The following CALN1 variants were observed in gnomAD, a reference collection of about 807,000 sequenced individuals.
The protein encoded by CALN1 is calneuron 1.
In CALN1, 17 loss-of-function variants were observed where a neutral mutation model predicts 30.6. The ratio of observed to expected loss-of-function variants is 0.56; its 90% CI spans 0.38 to 0.83. CALN1 has a LOEUF of 0.83. Ranked by LOEUF, CALN1 falls within the 40% of genes least tolerant of loss-of-function variation. CALN1 has a pLI of 0.00. For missense variants in CALN1, 291 were observed against 354.9 expected, an observed-to-expected ratio of 0.82 and a Z score of 1.45; for synonymous variants, 156 against 131.4, an observed-to-expected ratio of 1.19 and a Z score of -1.28.
intron 1 of CALN1, among the ~76,000 whole-genome samples, chr7:72,433,319 C>T (rs1808036928): frequency 6.6e-6 from 1 of 152,172 alleles, no homozygotes; most frequent in African/African-American, 2.4e-5. Flanking sequence ...GAGCAGTCTC[C>T]TCCCAACTCT....
chr7:71,902,650 G>A (rs1297851035), intron 5 of CALN1, among the ~76,000 whole-genome samples: 1 of 152,046 alleles, frequency 6.6e-6, no homozygotes, highest in Non-Finnish European at 1.5e-5. Flanking sequence ...TCTACCCGAA[G>A]GAAAATAAAT....
chr7:72,305,541 G>C (rs1490380724), intron 2 of CALN1, among the ~76,000 whole-genome samples: 1 of 152,172 alleles, frequency 6.6e-6, no homozygotes, highest in Non-Finnish European at 1.5e-5. Flanking sequence ...GAGAGCCTTA[G>C]ATAGCTTTCT....
At chr7:72,318,406 G>C (rs1423571677) in intron 2 of CALN1, among the ~76,000 whole-genome samples, 1 of 152,170 alleles carries the variant, frequency 6.6e-6, no homozygotes, top group Non-Finnish European at 1.5e-5. Flanking sequence ...AGGGACAGAA[G>C]ATCAGGATTC....
At chr7:72,401,294 G>A (rs1806324717) in intron 2 of CALN1, among the ~76,000 whole-genome samples, 1 of 150,874 alleles carries the variant, frequency 6.6e-6, no homozygotes, top group African/African-American at 2.5e-5. Context: ...CTGATGGGCT[G>A]TGTTCTCACT....
At chr7:72,484,868 C>T in the CALN1 span, among the ~76,000 whole-genome samples, 4 of 152,094 alleles carry the variant, frequency 2.6e-5, no homozygotes, top group African/African-American at 7.2e-5. Context: ...TGATATCCAG[C>T]GTTTTGCAAC....
At chr7:72,188,566 G>C (rs563021935) in intron 3 of CALN1, among the ~76,000 whole-genome samples, 1 of 151,984 alleles carries the variant, frequency 6.6e-6, no homozygotes, top group East Asian at 1.9e-4. Flanking sequence ...GGTGGGAGGG[G>C]GGTGAGGAAT....
intron 3 of CALN1, among the ~76,000 whole-genome samples, chr7:72,179,891 T>C (rs947667200): frequency 3.3e-5 from 5 of 152,230 alleles, no homozygotes; most frequent in African/African-American, 7.2e-5. Context: ...ACTGTTTGCT[T>C]ATTAACAAAA....
chr7:71,835,906 G>A (rs1243570969), intron 5 of CALN1, among the ~76,000 whole-genome samples: 1 of 152,190 alleles, frequency 6.6e-6, no homozygotes, highest in Admixed American at 6.5e-5. Flanking sequence ...TTGGAATATT[G>A]CAAAGCAAAT....
At chr7:72,457,994 C>T in the CALN1 span, among the ~76,000 whole-genome samples, 4 of 150,468 alleles carry the variant, frequency 2.7e-5, no homozygotes, top group Admixed American at 2.7e-4. Flanking sequence ...GGGCTCAAGC[C>T]ATCTTCCCCA....
chr7:71,807,911 T>C (rs185413116), intron 6 of CALN1, among the ~76,000 whole-genome samples: 2 of 152,164 alleles, frequency 1.3e-5, no homozygotes, highest in Non-Finnish European at 2.9e-5. Flanking sequence ...CCGTCTCTAC[T>C]AAAAATATGA....
At chr7:72,202,718 T>G (rs1791529724) in intron 3 of CALN1, among the ~76,000 whole-genome samples, 1 of 152,204 alleles carries the variant, frequency 6.6e-6, no homozygotes, top group South Asian at 2.1e-4. Context: ...TTGGCTGTTT[T>G]TGCTTTGAGA....
At chr7:72,091,549 T>A (rs771842045) in intron 4 of CALN1, among the ~76,000 whole-genome samples, 12 of 152,044 alleles carry the variant, frequency 7.9e-5, no homozygotes, top group Admixed American at 2.0e-4. Context: ...AAATAAAAAT[T>A]AAAAACTAGA....
At chr7:72,184,390 A>G (rs549745139) in intron 3 of CALN1, among the ~76,000 whole-genome samples, 1 of 152,322 alleles carries the variant, frequency 6.6e-6, no homozygotes, top group Non-Finnish European at 1.5e-5. Context: ...CTCATGTTGT[A>G]AGCATTCTAT....
At chr7:71,908,338 A>G (rs1794249744) in intron 5 of CALN1, among the ~76,000 whole-genome samples, 6 of 152,140 alleles carry the variant, frequency 3.9e-5, no homozygotes. Context: ...AAAAATTTGG[A>G]ATTATTTTTC....
intron 5 of CALN1, among the ~76,000 whole-genome samples, chr7:71,925,310 A>C (rs902931153): frequency 6.6e-6 from 1 of 151,194 alleles, no homozygotes; most frequent in Admixed American, 6.6e-5. Flanking sequence ...AAGAAAGAAG[A>C]AAGATTGATT....
intron 5 of CALN1, among the ~76,000 whole-genome samples, chr7:71,886,057 A>T: frequency 6.6e-6 from 1 of 152,264 alleles, no homozygotes; most frequent in East Asian, 1.9e-4. Context: ...TCTAGAGAAG[A>T]TAGCTGGCTG....
intron 3 of CALN1, among the ~76,000 whole-genome samples, chr7:72,191,025 G>A (rs989128853): frequency 6.6e-6 from 1 of 152,112 alleles, no homozygotes; most frequent in Non-Finnish European, 1.5e-5. Flanking sequence ...AGCGACTATT[G>A]TACGGCAAGA....
chr7:71,795,141 C>T (rs1465806167), intron 6 of CALN1, among the ~76,000 whole-genome samples: 11 of 152,148 alleles, frequency 7.2e-5, no homozygotes, highest in South Asian at 4.1e-4. Flanking sequence ...CTCAGCCTCC[C>T]GAGTAGCGGA....
chr7:71,918,989 G>T (rs903063792), intron 5 of CALN1, among the ~76,000 whole-genome samples: 2 of 152,160 alleles, frequency 1.3e-5, no homozygotes, highest in Non-Finnish European at 2.9e-5. Flanking sequence ...AGAGCAAGGA[G>T]CATGTATTTT....
Sources: allele counts gnomAD v4.1 joint callset (sites outside exome capture counted in the v4.1 genomes callset), GRCh38; gene constraint gnomAD v4.1.1; transcripts MANE v1.5; gene names NCBI Gene and HGNC (gene_info 2026-07-23, HGNC 2026-07-21).